Variants in MYO5A observed in about 807,000 individuals in gnomAD.
The protein encoded by MYO5A is myosin VA, also known as unconventional myosin-Va.
A neutral mutation model predicts 249.7 loss-of-function variants in MYO5A; 98 were observed. The observed-to-expected ratio is 0.39, with a 90% CI of 0.33 to 0.46. The LOEUF is 0.46. Ranked by LOEUF, MYO5A falls within the 20% of genes least tolerant of loss-of-function variation. The pLI is 0.98. For missense variants in MYO5A, 1,696 were observed against 2,308.8 expected (o/e 0.73, Z 5.44); for synonymous variants, 778 against 810.6 (o/e 0.96, Z 0.68).
chr15:52,414,818 A>C (rs1428515809), intron 5 of MYO5A, among the ~76,000 whole-genome samples: 1 of 152,234 alleles, frequency 6.6e-6, no homozygotes, highest in Admixed American at 6.5e-5. Context: ...AGTGACATCC[A>C]GCAGTGTATC....
chr15:52,418,777 T>C lies in MYO5A; in HGVS notation c.456-2476A>G, dbSNP rs182175560. On this transcript the variant is annotated intron_variant, in intron 4 of 41. Coordinates refer to ENST00000399233, the MANE Select transcript of MYO5A (RefSeq NM_001382347.1). ...GAGACAGAGAGAGAGAGAGCCGGGG[T>C]GGGGGAGGGTGTCTGTTAGCCTTTA... Among the ~76,000 whole-genome samples the C allele has an allele frequency of 5.1e-4, 63 of 122,914 alleles. 1 individual carries two copies. In the East Asian group the frequency reaches 8.2e-3, roughly 16 times the overall value. 80.6% of individuals were successfully genotyped at this position (122,914 alleles called of 152,430 possible).
At chr15:52,463,348 A>AC (rs1202977121) in intron 1 of MYO5A, among the ~76,000 whole-genome samples, 1 of 152,172 alleles carries the variant, frequency 6.6e-6, no homozygotes, top group Non-Finnish European at 1.5e-5. Context: ...TATTTCCTTT[A>AC]CCCCTCTATA....
At chr15:52,476,265 T>C (rs2076590359) in intron 1 of MYO5A, among the ~76,000 whole-genome samples, 2 of 152,176 alleles carry the variant, frequency 1.3e-5, no homozygotes, top group Non-Finnish European at 2.9e-5. Flanking sequence ...CTCCATCCCT[T>C]TATTTTGAGC....
rs561714948 is a variant in MYO5A at position 52,338,224 on chromosome 15, C to CTT, written c.4240-342_4240-341dup. Among the ~76,000 whole-genome samples, 649 of 128,764 alleles carry CTT rather than the reference C, an allele frequency of 5.0e-3. 10 individuals carry two copies. Among genetic ancestry groups the CTT allele is most frequent in the Non-Finnish European group, 6.8e-3 (419 of 61,740 alleles). The allele number at this position is 128,764 out of a possible 152,430, so 84.5% of individuals were successfully genotyped here. A position where few individuals can be genotyped will look rare whatever the true frequency, so the allele number is the denominator to read the frequency against. ...CACATGATGCTCACAACTTGCTGCA[C>CTT]TTTTTTTTTTTTTTTTTTGCCGCCA... On this transcript the variant is annotated intron_variant, in intron 32 of 41. Transcript: ENST00000399233.
At chr15:52,382,955 C>A in intron 16 of MYO5A, 136 bp downstream of exon 16, 1 of 745,616 alleles carries the variant, frequency 1.3e-6, no homozygotes, top group Non-Finnish European at 2.4e-6. Context: ...CTAGTGGTTT[C>A]CCTCTACAAG....
At chr15:52,466,544 G>A (rs1279251306) in intron 1 of MYO5A, among the ~76,000 whole-genome samples, 1 of 152,236 alleles carries the variant, frequency 6.6e-6, no homozygotes, top group African/African-American at 2.4e-5. Flanking sequence ...AGACTGGGGT[G>A]TAAGAGGGAA....
At chr15:52,432,743 T>C (rs900538399) in intron 2 of MYO5A, among the ~76,000 whole-genome samples, 1 of 152,176 alleles carries the variant, frequency 6.6e-6, no homozygotes, top group Admixed American at 6.5e-5. Context: ...CCCTCCTAAT[T>C]GGCCTAATTC....
intron 13 of MYO5A, 83 bp downstream of exon 13, chr15:52,389,155 G>GA (rs1055696639): frequency 5.9e-4 from 834 of 1,407,592 alleles, no homozygotes; most frequent in Non-Finnish European, 6.5e-4. Flanking sequence ...ATCAGCAAAA[G>GA]AAAAAAAAAG....
At chr15:52,473,632 C>A (rs541651838) in intron 1 of MYO5A, among the ~76,000 whole-genome samples, 41 of 152,336 alleles carry the variant, frequency 2.7e-4, no homozygotes, top group African/African-American at 9.9e-4. Context: ...GTTTTCCCAG[C>A]ACCATTAATT....
intron 6 of MYO5A, among the ~76,000 whole-genome samples, chr15:52,408,618 A>G (rs569285326): frequency 2.0e-5 from 3 of 152,346 alleles, no homozygotes; most frequent in African/African-American, 7.2e-5. Context: ...ATATCATTTT[A>G]GTTTATACAT....
At chr15:52,515,465 G>T (rs914544374) in intron 1 of MYO5A, among the ~76,000 whole-genome samples, 1 of 152,100 alleles carries the variant, frequency 6.6e-6, no homozygotes, top group Non-Finnish European at 1.5e-5. Flanking sequence ...ACAGGAAAAA[G>T]AAATAACAAC....
intron 23 of MYO5A, 122 bp from the exon 24 acceptor site, chr15:52,364,824 A>G (rs1045472726): frequency 3.2e-5 from 35 of 1,088,650 alleles, no homozygotes; most frequent in Non-Finnish European, 4.4e-5. Flanking sequence ...ACTGTGATCC[A>G]TGAAGAGTGT....
intron 7 of MYO5A, 125 bp downstream of exon 7, chr15:52,407,934 C>A: frequency 2.8e-6 from 2 of 712,342 alleles, no homozygotes; most frequent in East Asian, 2.7e-5. Flanking sequence ...CAAGGGCTGA[C>A]TTTTTATCAT....
chr15:52,501,211 T>C (rs906040443), intron 1 of MYO5A, among the ~76,000 whole-genome samples: 7 of 151,954 alleles, frequency 4.6e-5, no homozygotes, highest in Non-Finnish European at 1.0e-4. Flanking sequence ...GACCTCATGA[T>C]CCACCCGCCT....
At chr15:52,494,568 C>T (rs960441272) in intron 1 of MYO5A, among the ~76,000 whole-genome samples, 1 of 152,218 alleles carries the variant, frequency 6.6e-6, no homozygotes, top group African/African-American at 2.4e-5. Flanking sequence ...TCTCGGCTCA[C>T]TGCATTCTCC....
At chr15:52,466,025 G>A (rs2141431016) in intron 1 of MYO5A, among the ~76,000 whole-genome samples, 1 of 152,266 alleles carries the variant, frequency 6.6e-6, no homozygotes, top group East Asian at 1.9e-4. Context: ...AGGGAATCGA[G>A]CAATCCAGAC....
chr15:52,459,779 G>A (rs1360172589), intron 1 of MYO5A, among the ~76,000 whole-genome samples: 2 of 151,786 alleles, frequency 1.3e-5, no homozygotes, highest in Non-Finnish European at 2.9e-5. Context: ...CAGACGGGGC[G>A]GCGGCCGGGC....
At chr15:52,344,812 G>A (rs528594477) in intron 30 of MYO5A, among the ~76,000 whole-genome samples, 70 of 152,300 alleles carry the variant, frequency 4.6e-4, no homozygotes, top group African/African-American at 1.5e-3. Context: ...AGTAGGAACC[G>A]CATTTATCTT....
At chr15:52,391,841 T>C (rs2042251727) in intron 12 of MYO5A, 89 bp downstream of exon 12, 17 of 1,353,450 alleles carry the variant, frequency 1.3e-5, no homozygotes, top group Non-Finnish European at 1.7e-5. Context: ...TTCCATGATA[T>C]ACTAATGAAT....
Sources: gnomAD v4.1 joint callset for allele counts (sites outside exome capture counted in the v4.1 genomes callset) on GRCh38, gnomAD v4.1.1 for gene constraint, MANE v1.5 for transcripts, NCBI Gene and HGNC (gene_info 2026-07-23, HGNC 2026-07-21) for gene names.